The following SCN8A variants were observed in gnomAD, a reference collection of about 807,000 sequenced individuals.
The protein encoded by SCN8A is sodium channel protein type 8 subunit alpha.
In SCN8A, 30 loss-of-function variants were observed where a neutral mutation model predicts 184.1. That is an observed-to-expected ratio of 0.16 (90% confidence interval 0.12 to 0.22). SCN8A has a LOEUF of 0.22. SCN8A is among the 10% of genes least tolerant of loss of function. SCN8A has a pLI of 1.00. For synonymous variants in SCN8A, 852 were observed against 907.0 expected (o/e 0.94, Z 1.09); for missense variants, 1,057 against 2,498.9 (o/e 0.42, Z 12.30).
chr12:51,663,316 C>T (rs1242253455), intron 2 of SCN8A, among the ~76,000 whole-genome samples: 5 of 152,076 alleles, frequency 3.3e-5, no homozygotes, highest in Admixed American at 3.3e-4. Flanking sequence ...ATTTTGGCTC[C>T]AGGCCAGATC....
intron 2 of SCN8A, among the ~76,000 whole-genome samples, chr12:51,683,109 C>G (rs1941363782): frequency 6.6e-6 from 1 of 152,180 alleles, no homozygotes; most frequent in African/African-American, 2.4e-5. Flanking sequence ...CTCCTGCTGC[C>G]TCTCATACAT....
At chr12:51,594,439 C>T (rs1939300054) in intron 1 of SCN8A, among the ~76,000 whole-genome samples, 2 of 151,988 alleles carry the variant, frequency 1.3e-5, no homozygotes, top group Non-Finnish European at 2.9e-5. Flanking sequence ...AGAGACATGT[C>T]CACCTAAAGC....
intron 1 of SCN8A, among the ~76,000 whole-genome samples, chr12:51,644,850 C>G (rs1185545599): frequency 6.6e-6 from 1 of 152,072 alleles, no homozygotes; most frequent in Non-Finnish European, 1.5e-5. Context: ...GCCCGGCCAC[C>G]CCGTCTGAGA....
At chr12:51,632,969 A>G (rs1182477228) in intron 1 of SCN8A, among the ~76,000 whole-genome samples, 1 of 152,074 alleles carries the variant, frequency 6.6e-6, no homozygotes, top group Non-Finnish European at 1.5e-5. Flanking sequence ...TCTGAGCTTT[A>G]TATTTCTGAT....
intron 25 of SCN8A, among the ~76,000 whole-genome samples, chr12:51,793,174 C>T (rs139414224): frequency 8.3e-4 from 126 of 152,220 alleles, no homozygotes; most frequent in African/African-American, 2.7e-3. Context: ...GATGGTGGCT[C>T]AGGTTAGCAT....
intron 14 of SCN8A, among the ~76,000 whole-genome samples, chr12:51,761,030 CAGGT>C (rs1358556900): frequency 2.0e-5 from 3 of 152,094 alleles, no homozygotes; most frequent in African/African-American, 7.2e-5. Context: ...ACTTGGTAAA[CAGGT>C]AGTTACAAGT....
intron 1 of SCN8A, among the ~76,000 whole-genome samples, chr12:51,634,898 CT>C (rs1402920954): frequency 1.3e-5 from 2 of 152,106 alleles, no homozygotes; most frequent in Non-Finnish European, 2.9e-5. Context: ...AATCTGCCTG[CT>C]TTGGCCTCCC....
chr12:51,604,447 T>C (rs1040604179), intron 1 of SCN8A, among the ~76,000 whole-genome samples: 9 of 152,142 alleles, frequency 5.9e-5, no homozygotes, highest in African/African-American at 2.2e-4. Flanking sequence ...CCTTCCTCAA[T>C]ACCACACGGT....
rs1416862048 is a variant in SCN8A at position 51,809,725 on chromosome 12, G to C, written c.*2296G>C. ...TGTAATATATAATTTTATTTTATTG[G>C]CATGCCTTTTTGTAAATACAAATTA... On this transcript the variant is annotated 3_prime_UTR_variant, in exon 27 of 27. Coordinates refer to ENST00000627620, the MANE Select transcript of SCN8A (RefSeq NM_001330260.2). 6.6e-6 allele frequency: 1 copy of C among 152,102 alleles called. No individual in the cohort carries two copies. Among genetic ancestry groups the C allele is most frequent in the African/African-American group, 2.4e-5 (1 of 41,412 alleles). 9.4% of individuals were successfully genotyped at this position (152,102 alleles called of 1,614,324 possible). A position where few individuals can be genotyped will look rare whatever the true frequency, so the allele number is the denominator to read the frequency against.
At chr12:51,601,624 A>T (rs952830937) in intron 1 of SCN8A, among the ~76,000 whole-genome samples, 1 of 152,048 alleles carries the variant, frequency 6.6e-6, no homozygotes, top group Non-Finnish European at 1.5e-5. Context: ...TATTAATTAG[A>T]TATGTTTTCC....
chr12:51,703,805 TAGTTCAAATATCTG>T (rs1364225090), intron 9 of SCN8A, among the ~76,000 whole-genome samples: 2 of 152,236 alleles, frequency 1.3e-5, no homozygotes, highest in Non-Finnish European at 2.9e-5. Context: ...GGGAAGTTTC[TAGTTCAAATATCTG>T]AGTTAATTCT....
chr12:51,708,898 G>A (rs1449789137), intron 11 of SCN8A, among the ~76,000 whole-genome samples: 1 of 152,166 alleles, frequency 6.6e-6, no homozygotes, highest in African/African-American at 2.4e-5. Flanking sequence ...GGCTTAAAAG[G>A]TGATTAAAAC....
chr12:51,648,381 A>G (rs527810797), intron 1 of SCN8A, among the ~76,000 whole-genome samples: 4 of 152,272 alleles, frequency 2.6e-5, no homozygotes, highest in Admixed American at 6.5e-5. Flanking sequence ...ATGTGTCTCT[A>G]TGTAGTCTCC....
intron 12 of SCN8A, among the ~76,000 whole-genome samples, chr12:51,736,354 T>G (rs1285619391): frequency 6.6e-6 from 1 of 152,172 alleles, no homozygotes; most frequent in Admixed American, 6.5e-5. Flanking sequence ...CACACATACA[T>G]GTACATAAGC....
At chr12:51,793,268 T>G (rs1938316460) in intron 25 of SCN8A, among the ~76,000 whole-genome samples, 1 of 151,942 alleles carries the variant, frequency 6.6e-6, no homozygotes, top group Non-Finnish European at 1.5e-5. Flanking sequence ...GTGGATCAGA[T>G]GAGGGAGAAG....
At chr12:51,612,865 G>A (rs1939751838) in intron 1 of SCN8A, among the ~76,000 whole-genome samples, 1 of 152,066 alleles carries the variant, frequency 6.6e-6, no homozygotes, top group African/African-American at 2.4e-5. Flanking sequence ...GGGATTACAG[G>A]CACCCACCAC....
At chr12:51,677,656 G>A (rs566653682) in intron 2 of SCN8A, among the ~76,000 whole-genome samples, 2 of 152,272 alleles carry the variant, frequency 1.3e-5, no homozygotes, top group Admixed American at 1.3e-4. Context: ...TCTACATTGT[G>A]TGCTCCAAGC....
chr12:51,675,477 G>A (rs181222397), intron 2 of SCN8A, among the ~76,000 whole-genome samples: 12 of 152,304 alleles, frequency 7.9e-5, no homozygotes, highest in Admixed American at 5.2e-4. Flanking sequence ...AGGGGGTTCC[G>A]TTTTGCAACA....
chr12:51,793,645 G>A (rs531985187), intron 25 of SCN8A, among the ~76,000 whole-genome samples: 52 of 152,304 alleles, frequency 3.4e-4, no homozygotes, highest in Admixed American at 2.5e-3. Flanking sequence ...TAAGTAGGAC[G>A]ACAGCCAGAG....
Sources: allele counts gnomAD v4.1 joint callset (sites outside exome capture counted in the v4.1 genomes callset), GRCh38; gene constraint gnomAD v4.1.1; transcripts MANE v1.5; gene names NCBI Gene and HGNC (gene_info 2026-07-23, HGNC 2026-07-21).